Variants in MYO1E observed in about 807,000 individuals in gnomAD.
MYO1E encodes unconventional myosin-Ie.
Under a neutral mutation model 151.1 loss-of-function variants are expected in MYO1E, and 68 were observed. The ratio of observed to expected loss-of-function variants is 0.45; its 90% CI spans 0.37 to 0.55. The LOEUF (loss-of-function observed/expected upper bound fraction) is 0.55, where lower values mean the gene tolerates loss of function less well. Among genes scored for constraint, MYO1E ranks in the 20% least tolerant of loss-of-function variants. MYO1E has a pLI of 0.00. For synonymous variants in MYO1E, 601 were observed against 501.7 expected, an observed-to-expected ratio of 1.20 and a Z score of -2.64; for missense variants, 1,363 against 1,389.3, an observed-to-expected ratio of 0.98 and a Z score of 0.30.
chr15:59,196,986 CTTTTTTTT>C (rs71977305), intron 16 of MYO1E, among the ~76,000 whole-genome samples: 11 of 71,514 alleles, frequency 1.5e-4, no homozygotes, highest in Admixed American at 2.5e-4. Flanking sequence ...TTAATTACGA[CTTTTTTTT>C]TTTTTTTTTT....
At chr15:59,338,763 CAG>C (rs1433656912) in intron 1 of MYO1E, among the ~76,000 whole-genome samples, 2 of 152,212 alleles carry the variant, frequency 1.3e-5, no homozygotes, top group Admixed American at 6.5e-5. Context: ...GAACCAAAGA[CAG>C]GGGTGAAACT....
intron 1 of MYO1E, among the ~76,000 whole-genome samples, chr15:59,367,840 C>A (rs1330068793): frequency 6.6e-6 from 1 of 152,202 alleles, no homozygotes; most frequent in Non-Finnish European, 1.5e-5. Context: ...TTGGCAGAGG[C>A]CGGGCGTGGT....
rs1239983991 is a variant in MYO1E, at chr15:59,288,745, T to C, written c.4-16296A>G. Among the ~76,000 whole-genome samples, 3 of 148,878 alleles carry C rather than the reference T, an allele frequency of 2.0e-5. No homozygotes were observed. The East Asian group carries it at 5.9e-4, about 29-fold the overall frequency. On this transcript the variant is annotated intron_variant, in intron 1 of 27. Coordinates refer to ENST00000288235, the MANE Select transcript of MYO1E (RefSeq NM_004998.4). ...TTAAAGTTTCATGATGCTCAAGTGA[T>C]GTATAACTGGACACTATAAATGTGA...
chr15:59,253,901 CTT>C (rs34819314), intron 4 of MYO1E, among the ~76,000 whole-genome samples: 9 of 135,824 alleles, frequency 6.6e-5, no homozygotes, highest in Admixed American at 2.2e-4. Context: ...GACAAACAAC[CTT>C]TTTTTTTTTT....
chr15:59,230,585 ACTT>A (rs1284044333), intron 6 of MYO1E, among the ~76,000 whole-genome samples: 3 of 152,252 alleles, frequency 2.0e-5, no homozygotes, highest in African/African-American at 7.2e-5. Flanking sequence ...TATCTGGAAA[ACTT>A]CTTCAGGATA....
chr15:59,228,921 G>C (rs1020983061), intron 6 of MYO1E, among the ~76,000 whole-genome samples: 5 of 152,192 alleles, frequency 3.3e-5, no homozygotes, highest in African/African-American at 1.2e-4. Context: ...AACTGTCTAT[G>C]TGTCTTAATC....
intron 1 of MYO1E, among the ~76,000 whole-genome samples, chr15:59,337,367 A>T (rs1157020143): frequency 6.6e-6 from 1 of 152,236 alleles, no homozygotes; most frequent in African/African-American, 2.4e-5. Flanking sequence ...CCATATCTAC[A>T]ACTGCTGAGC....
rs532124471 is a variant in MYO1E, at chr15:59,138,012, G to A, written c.3250+186C>T. ...GACAAGGGAGGGAATATAAATAAGG[G>A]GGCAGAGCTGAAAGAAGCATTAAAA... On this transcript the variant is annotated intron_variant, in intron 27 of 27. Transcript: ENST00000288235. 2.0e-4 allele frequency among the ~76,000 whole-genome samples: 31 copies of A among 152,246 alleles called. 1 individual carries two copies. The South Asian group carries it at 6.0e-3, about 29-fold the overall frequency.
intron 9 of MYO1E, among the ~76,000 whole-genome samples, chr15:59,220,552 A>C (rs1195856839): frequency 1.3e-5 from 2 of 151,652 alleles, no homozygotes; most frequent in South Asian, 4.2e-4. Flanking sequence ...ATTTTTTTCC[A>C]TTTTTTTTCT....
intron 1 of MYO1E, among the ~76,000 whole-genome samples, chr15:59,369,246 T>C (rs1048794183): frequency 6.6e-6 from 1 of 152,254 alleles, no homozygotes; most frequent in African/African-American, 2.4e-5. Context: ...TGGGTATTCT[T>C]ATGTGTCATA....
intron 1 of MYO1E, among the ~76,000 whole-genome samples, chr15:59,337,372 C>G (rs1417193560): frequency 6.6e-6 from 1 of 152,222 alleles, no homozygotes; most frequent in Non-Finnish European, 1.5e-5. Context: ...TCTACAACTG[C>G]TGAGCTTGAT....
chr15:59,263,793 C>A (rs916482039), intron 2 of MYO1E, among the ~76,000 whole-genome samples: 10 of 151,990 alleles, frequency 6.6e-5, no homozygotes, highest in Admixed American at 5.9e-4. Flanking sequence ...AGTGATTGAG[C>A]CATAACTGAA....
At chr15:59,321,851 G>C in intron 1 of MYO1E, among the ~76,000 whole-genome samples, 1 of 152,236 alleles carries the variant, frequency 6.6e-6, no homozygotes, top group Admixed American at 6.5e-5. Context: ...GGGTGACAGA[G>C]TGAGACCCTG....
At chr15:59,304,946 C>T (rs1262108587) in intron 1 of MYO1E, among the ~76,000 whole-genome samples, 2 of 152,166 alleles carry the variant, frequency 1.3e-5, no homozygotes, top group Non-Finnish European at 2.9e-5. Context: ...CTCTATTTAC[C>T]ATGGTTTCAC....
At chr15:59,245,202 A>C (rs2080122465) in intron 4 of MYO1E, among the ~76,000 whole-genome samples, 1 of 152,232 alleles carries the variant, frequency 6.6e-6, no homozygotes, top group African/African-American at 2.4e-5. Context: ...CCTGAAATAC[A>C]TCAAAGGCAG....
intron 24 of MYO1E, among the ~76,000 whole-genome samples, chr15:59,160,361 G>C (rs1228657797): frequency 6.6e-6 from 1 of 151,020 alleles, no homozygotes; most frequent in African/African-American, 2.4e-5. Flanking sequence ...GTGTGTGTGT[G>C]TGTGTGTGTG....
chr15:59,226,677 T>A (rs1372949330), intron 7 of MYO1E, among the ~76,000 whole-genome samples: 2 of 152,066 alleles, frequency 1.3e-5, no homozygotes, highest in East Asian at 3.9e-4. Flanking sequence ...TGTGGTGGCA[T>A]GTGCCTATAG....
chr15:59,295,291 T>C (rs891602858), intron 1 of MYO1E, among the ~76,000 whole-genome samples: 15 of 150,946 alleles, frequency 9.9e-5, no homozygotes, highest in African/African-American at 3.7e-4. Flanking sequence ...ACAAGGAGAG[T>C]AAAGGCATGG....
Position 59,134,818 on chromosome 15 carries a change from A to G in MYO1E, c.*2562T>C, listed in dbSNP as rs2079362983. The G allele has an allele frequency of 6.6e-6, 1 of 152,194 alleles. No homozygotes were observed. Among genetic ancestry groups the G allele is most frequent in the African/African-American group, 2.4e-5 (1 of 41,448 alleles). The allele number at this position is 152,194 out of a possible 1,614,324, so 9.4% of individuals were successfully genotyped here. ...CTGGTAAGTGACTCCTAAAGTGGTC[A>G]TATTTGCTTAACTGCACAGTGAACA... On this transcript the variant is annotated 3_prime_UTR_variant, in exon 28 of 28. Coordinates refer to ENST00000288235, the MANE Select transcript of MYO1E (RefSeq NM_004998.4).
Sources: gnomAD v4.1 joint callset for allele counts (sites outside exome capture counted in the v4.1 genomes callset) on GRCh38, gnomAD v4.1.1 for gene constraint, MANE v1.5 for transcripts, NCBI Gene and HGNC (gene_info 2026-07-23, HGNC 2026-07-21) for gene names.